TRAPPC9: variants seen among roughly 807,000 people sequenced by gnomAD.
The protein encoded by TRAPPC9 is IKK2 binding protein.
TRAPPC9 carries 83 observed loss-of-function variants against 124.0 expected under a neutral mutation model. The ratio of observed to expected loss-of-function variants is 0.67; its 90% CI spans 0.56 to 0.80. TRAPPC9 has a LOEUF of 0.80. Among genes scored for constraint, TRAPPC9 ranks in the 30% least tolerant of loss-of-function variants. The pLI, the probability that TRAPPC9 is intolerant of heterozygous loss-of-function variation, is 0.00. For synonymous variants in TRAPPC9, 638 were observed against 617.5 expected (o/e 1.03, Z -0.49); for missense variants, 1,302 against 1,508.3 (o/e 0.86, Z 2.27).
At chr8:139,740,722 G>A (rs571336044) in intron 21 of TRAPPC9, among the ~76,000 whole-genome samples, 19 of 152,148 alleles carry the variant, frequency 1.2e-4, no homozygotes, top group Admixed American at 5.2e-4. Flanking sequence ...CCACACGGGC[G>A]GTGAGCTCAG....
At chr8:139,821,455 A>C (rs1169726550) in intron 21 of TRAPPC9, among the ~76,000 whole-genome samples, 1 of 152,212 alleles carries the variant, frequency 6.6e-6, no homozygotes, top group Non-Finnish European at 1.5e-5. Flanking sequence ...AGAGGAATCT[A>C]AGAATAGCAG....
intron 17 of TRAPPC9, among the ~76,000 whole-genome samples, chr8:140,124,672 A>C (rs2061049711): frequency 6.6e-6 from 1 of 152,112 alleles, no homozygotes; most frequent in Non-Finnish European, 1.5e-5. Context: ...ACAGCCCCTC[A>C]CAGGAAGACC....
chr8:140,138,263 C>T (rs966632036), intron 17 of TRAPPC9, among the ~76,000 whole-genome samples: 3 of 152,184 alleles, frequency 2.0e-5, no homozygotes, highest in Non-Finnish European at 4.4e-5. Flanking sequence ...GATTGCACCA[C>T]TGCACTCCAG....
intron 21 of TRAPPC9, among the ~76,000 whole-genome samples, chr8:139,795,451 T>C (rs900861736): frequency 1.3e-4 from 20 of 151,182 alleles, no homozygotes; most frequent in African/African-American, 4.9e-4. Flanking sequence ...TTCCACCACT[T>C]GCAGCCTGTG....
intron 17 of TRAPPC9, among the ~76,000 whole-genome samples, chr8:140,180,013 T>C (rs1316714222): frequency 2.4e-5 from 3 of 125,090 alleles, no homozygotes; most frequent in Non-Finnish European, 5.1e-5. Context: ...TTTTTTTTTT[T>C]TGGCCAGTAT....
chr8:139,901,255 C>T (rs1356809785), intron 20 of TRAPPC9, among the ~76,000 whole-genome samples: 1 of 152,204 alleles, frequency 6.6e-6, no homozygotes, highest in Non-Finnish European at 1.5e-5. Context: ...TGAATGACTA[C>T]AGGTGCAAGG....
At chr8:139,916,597 TAAATA>T (rs1364426723) in intron 19 of TRAPPC9, 3 of 152,258 alleles carry the variant, frequency 2.0e-5, no homozygotes, top group Non-Finnish European at 4.4e-5. Context: ...ACGGCAGAGT[TAAATA>T]AAATTAATAC....
At chr8:140,039,926 C>T (rs1841158450) in intron 17 of TRAPPC9, 1 of 152,210 alleles carries the variant, frequency 6.6e-6, no homozygotes, top group African/African-American at 2.4e-5. Flanking sequence ...GAGTCCACAA[C>T]TCTAAAGGGA....
At chr8:140,080,859 G>T (rs1354272637) in intron 17 of TRAPPC9, among the ~76,000 whole-genome samples, 4 of 152,200 alleles carry the variant, frequency 2.6e-5, no homozygotes, top group Non-Finnish European at 5.9e-5. Flanking sequence ...AAGTGCCAAA[G>T]AAATAGGCAC....
At chr8:140,025,998 G>A (rs1015749082) in intron 17 of TRAPPC9, among the ~76,000 whole-genome samples, 3 of 152,014 alleles carry the variant, frequency 2.0e-5, no homozygotes, top group Non-Finnish European at 4.4e-5. Flanking sequence ...ATTAAACATG[G>A]ACTCCCCAGT....
chr8:140,415,303 C>T (rs1328714632), intron 5 of TRAPPC9, among the ~76,000 whole-genome samples: 1 of 151,842 alleles, frequency 6.6e-6, no homozygotes, highest in African/African-American at 2.4e-5. Flanking sequence ...CCTATAATCC[C>T]AGCATTTTAG....
At chr8:140,391,764 C>T (rs1453759768) in intron 7 of TRAPPC9, among the ~76,000 whole-genome samples, 2 of 149,870 alleles carry the variant, frequency 1.3e-5, no homozygotes, top group Admixed American at 6.6e-5. Context: ...TGGTGGCTCA[C>T]GCCTGTAATC....
intron 16 of TRAPPC9, among the ~76,000 whole-genome samples, chr8:140,247,983 A>G (rs746049588): frequency 6.6e-6 from 1 of 151,954 alleles, no homozygotes; most frequent in Non-Finnish European, 1.5e-5. Flanking sequence ...TGTAATTTTT[A>G]TCAGCTTCTG....
chr8:140,284,841 C>T (rs1222791123), intron 13 of TRAPPC9, among the ~76,000 whole-genome samples: 1 of 152,204 alleles, frequency 6.6e-6, no homozygotes, highest in African/African-American at 2.4e-5. Context: ...GCTGCCCTAT[C>T]AACACAACTC....
At chr8:140,456,411 CAA>C (rs11325292) in intron 1 of TRAPPC9, among the ~76,000 whole-genome samples, 110 of 118,202 alleles carry the variant, frequency 9.3e-4, no homozygotes, top group Admixed American at 8.9e-4. Context: ...GACTCCGTCT[CAA>C]AAAAAAAAAA....
chr8:140,156,804 T>C (rs2061638497), intron 17 of TRAPPC9, among the ~76,000 whole-genome samples: 1 of 152,188 alleles, frequency 6.6e-6, no homozygotes, highest in Admixed American at 6.5e-5. Flanking sequence ...GCAGAGAAGA[T>C]GCTAAAATAA....
At chr8:139,960,477 C>A (rs1425283769) in intron 19 of TRAPPC9, among the ~76,000 whole-genome samples, 1 of 152,192 alleles carries the variant, frequency 6.6e-6, no homozygotes, top group East Asian at 1.9e-4. Context: ...GGTTCTCCCG[C>A]CTCTCAATGT....
In TRAPPC9 at chr8:140,219,130, G is replaced by A. The variant is rs563971684; in HGVS notation, c.2556+2329C>T. Among the ~76,000 whole-genome samples the A allele has an allele frequency of 2.7e-4, 41 of 152,252 alleles. 1 individual carries two copies. In the South Asian group the frequency reaches 8.3e-3, roughly 31 times the overall value. ...GAAAGAGCACAGAAGGCCTTGGTGA[G>A]ACCCCAGTTACCCCAGTGAAACCGT... is the stretch of plus-strand genomic sequence containing the variant. On this transcript the variant is annotated intron_variant, in intron 17 of 22. Transcript: ENST00000438773.
chr8:140,132,539 C>A (rs1312044115), intron 17 of TRAPPC9, among the ~76,000 whole-genome samples: 1 of 152,148 alleles, frequency 6.6e-6, no homozygotes, highest in Non-Finnish European at 1.5e-5. Context: ...TCCATCAAGC[C>A]CACCAACGCA....
Sources: gnomAD v4.1 joint callset for allele counts (sites outside exome capture counted in the v4.1 genomes callset) on GRCh38, gnomAD v4.1.1 for gene constraint, MANE v1.5 for transcripts, NCBI Gene and HGNC (gene_info 2026-07-23, HGNC 2026-07-21) for gene names.